Variants in MCU observed in about 807,000 individuals in gnomAD.
MCU encodes calcium uniporter protein, mitochondrial.
MCU carries 12 observed loss-of-function variants against 45.2 expected under a neutral mutation model. That is an observed-to-expected ratio of 0.27 (90% CI 0.17 to 0.43). MCU has a LOEUF of 0.43. MCU is among the 20% of genes least tolerant of loss of function. The pLI, the probability that MCU is intolerant of heterozygous loss-of-function variation, is 1.00. For missense variants in MCU, 324 were observed against 436.7 expected (o/e 0.74, Z 2.30); for synonymous variants, 160 against 165.1 (o/e 0.97, Z 0.24).
chr10:72,745,584 G>C (rs916249976), intron 1 of MCU, among the ~76,000 whole-genome samples: 4 of 151,924 alleles, frequency 2.6e-5, no homozygotes, highest in Non-Finnish European at 5.9e-5. Context: ...TTCATCACAG[G>C]GATATGGCAA....
intron 1 of MCU, among the ~76,000 whole-genome samples, chr10:72,704,061 T>A (rs1842789554): frequency 1.3e-5 from 2 of 152,194 alleles, no homozygotes; most frequent in Admixed American, 1.3e-4. Flanking sequence ...AAATACTGCT[T>A]GTCTATAGAT....
intron 1 of MCU, among the ~76,000 whole-genome samples, chr10:72,693,510 C>T (rs1298014384): frequency 6.6e-6 from 1 of 152,198 alleles, no homozygotes; most frequent in Non-Finnish European, 1.5e-5. Flanking sequence ...GGAAACTGAA[C>T]TGGAGCTCTT....
chr10:72,847,427 C>T (rs547139185), intron 2 of MCU, among the ~76,000 whole-genome samples: 2 of 152,176 alleles, frequency 1.3e-5, no homozygotes, highest in South Asian at 4.1e-4. Flanking sequence ...TTCAGGGTGG[C>T]CATTCTAACA....
intron 1 of MCU, among the ~76,000 whole-genome samples, chr10:72,810,033 T>C (rs931079165): frequency 4.7e-5 from 7 of 148,980 alleles, no homozygotes; most frequent in Non-Finnish European, 7.5e-5. Context: ...TGTATGTGTG[T>C]GCGCGTGAAC....
At chr10:72,791,857 A>G (rs2132765458) in intron 1 of MCU, among the ~76,000 whole-genome samples, 1 of 152,210 alleles carries the variant, frequency 6.6e-6, no homozygotes, top group South Asian at 2.1e-4. Flanking sequence ...AAAAAAACTA[A>G]AAAGATTTTT....
chr10:72,859,110 G>T, intron 2 of MCU, 67 bp from the exon 3 acceptor site: 1 of 1,416,178 alleles, frequency 7.1e-7, no homozygotes, highest in Non-Finnish European at 9.6e-7. Context: ...TGCAAGAATG[G>T]TAATAATGTG....
chr10:72,817,857 A>C (rs1008624682), intron 1 of MCU, among the ~76,000 whole-genome samples: 4 of 152,234 alleles, frequency 2.6e-5, no homozygotes, highest in African/African-American at 9.6e-5. Context: ...TGACCCAGGG[A>C]GCACTAAGAT....
At chr10:72,706,798 G>A (rs1460601340) in intron 1 of MCU, among the ~76,000 whole-genome samples, 2 of 148,390 alleles carry the variant, frequency 1.3e-5, no homozygotes, top group Middle Eastern at 3.8e-3. Flanking sequence ...GCCTCCCAAA[G>A]TGCTGGGATT....
intron 1 of MCU, among the ~76,000 whole-genome samples, chr10:72,812,624 G>A (rs1844562589): frequency 6.6e-6 from 1 of 152,208 alleles, no homozygotes; most frequent in Admixed American, 6.5e-5. Context: ...GTAATCTTTA[G>A]TATTCATTAT....
At chr10:72,842,363 G>A (rs959436327) in intron 2 of MCU, among the ~76,000 whole-genome samples, 1 of 152,170 alleles carries the variant, frequency 6.6e-6, no homozygotes, top group Non-Finnish European at 1.5e-5. Flanking sequence ...ATTGTATTGA[G>A]TAGTGTTATG....
intron 1 of MCU, among the ~76,000 whole-genome samples, chr10:72,712,144 G>A (rs1266675053): frequency 1.3e-5 from 2 of 151,968 alleles, no homozygotes; most frequent in Non-Finnish European, 2.9e-5. Context: ...TTAAACCTCT[G>A]TTAACTGACA....
intron 1 of MCU, among the ~76,000 whole-genome samples, chr10:72,778,693 A>G (rs1352639182): frequency 6.6e-6 from 1 of 152,224 alleles, no homozygotes; most frequent in Non-Finnish European, 1.5e-5. Flanking sequence ...ATTAAAAAAT[A>G]TCATGCATGG....
At chr10:72,716,043 A>T (rs1003019635) in intron 1 of MCU, 2 of 196,314 alleles carry the variant, frequency 1.0e-5, no homozygotes, top group Non-Finnish European at 1.8e-5. Context: ...GGCGTTGACA[A>T]ACTGTAGCAT....
chr10:72,723,948 A>G (rs1484564957), intron 1 of MCU, among the ~76,000 whole-genome samples: 5 of 152,224 alleles, frequency 3.3e-5, no homozygotes, highest in Admixed American at 6.5e-5. Context: ...TTCAGATGGT[A>G]TCTTCGAGAA....
At chr10:72,754,468 A>C (rs1281316932) in intron 1 of MCU, among the ~76,000 whole-genome samples, 3 of 152,166 alleles carry the variant, frequency 2.0e-5, no homozygotes. Context: ...ATGACACTGG[A>C]GGCGGGGCAT....
intron 1 of MCU, among the ~76,000 whole-genome samples, chr10:72,749,232 C>T (rs1389496695): frequency 6.6e-6 from 1 of 151,970 alleles, no homozygotes. Context: ...CTACAGTGAG[C>T]CGTAATCATG....
chr10:72,700,117 T>C (rs1385279931), intron 1 of MCU, among the ~76,000 whole-genome samples: 1 of 147,772 alleles, frequency 6.8e-6, no homozygotes, highest in South Asian at 2.1e-4. Context: ...TGGAGTGCAA[T>C]GGTGTGATCT....
At chr10:72,781,018 CCTT>C (rs1408455840) in intron 1 of MCU, among the ~76,000 whole-genome samples, 5 of 151,892 alleles carry the variant, frequency 3.3e-5, no homozygotes, top group Non-Finnish European at 5.9e-5. Flanking sequence ...GGGGTATTTG[CCTT>C]CTTAATGGAA....
intron 1 of MCU, among the ~76,000 whole-genome samples, chr10:72,783,636 G>A (rs1844028503): frequency 6.6e-6 from 1 of 152,210 alleles, no homozygotes; most frequent in Non-Finnish European, 1.5e-5. Flanking sequence ...AGAGGATTTT[G>A]TTGGGGGGAG....
Sources: gnomAD v4.1 joint callset for allele counts (sites outside exome capture counted in the v4.1 genomes callset) on GRCh38, gnomAD v4.1.1 for gene constraint, MANE v1.5 for transcripts, NCBI Gene and HGNC (gene_info 2026-07-23, HGNC 2026-07-21) for gene names.